Variants in TMEM117 observed in about 807,000 individuals in gnomAD.
TMEM117 encodes transmembrane protein 117.
In TMEM117, 27 loss-of-function variants were observed where a neutral mutation model predicts 52.4. The observed-to-expected ratio is 0.51, with a 90% confidence interval of 0.38 to 0.71. TMEM117 has a LOEUF of 0.71. Ranked by LOEUF, TMEM117 falls within the 30% of genes least tolerant of loss-of-function variation. The pLI is 0.00. For missense variants in TMEM117, 556 were observed against 630.5 expected (o/e 0.88, Z 1.26); for synonymous variants, 215 against 206.3 (o/e 1.04, Z -0.36).
chr12:43,830,285 A>T, the TMEM117 span, among the ~76,000 whole-genome samples: 2,789 of 151,520 alleles, frequency 0.018, 53 homozygotes, highest in South Asian at 0.069. Flanking sequence ...CTGCTAGCCC[A>T]CCCTCTGTTT....
chr12:44,239,023 T>A (rs61933046), intron 5 of TMEM117, among the ~76,000 whole-genome samples: 6,423 of 152,254 alleles, frequency 0.042, 187 homozygotes, highest in Admixed American at 0.061. Context: ...GTCAGAAATA[T>A]CTGCATTAAT....
At chr12:43,944,366 C>T (rs756490793) in intron 3 of TMEM117, 24 bp downstream of exon 3, 7 of 1,599,312 alleles carry the variant, frequency 4.4e-6, no homozygotes, top group Admixed American at 1.7e-5. Flanking sequence ...CCCCTTTCTA[C>T]TGTGGTGAGT....
chr12:43,932,415 A>G (rs939076550), intron 2 of TMEM117, among the ~76,000 whole-genome samples: 2 of 151,766 alleles, frequency 1.3e-5, no homozygotes, highest in African/African-American at 4.8e-5. Flanking sequence ...TGATCACCAA[A>G]GTGATTCCTG....
At chr12:44,101,247 A>C (rs1947856262) in intron 3 of TMEM117, among the ~76,000 whole-genome samples, 2 of 151,648 alleles carry the variant, frequency 1.3e-5, no homozygotes, top group South Asian at 4.2e-4. Context: ...TATGTTCAAC[A>C]TAATCCTATG....
intron 2 of TMEM117, among the ~76,000 whole-genome samples, chr12:43,879,438 C>A (rs56168228): frequency 0.062 from 9,396 of 152,252 alleles, 361 homozygotes; most frequent in Middle Eastern, 0.13. Context: ...CCATATCACT[C>A]TGAAGCAAAC....
intron 2 of TMEM117, among the ~76,000 whole-genome samples, chr12:43,886,765 G>A (rs1314624069): frequency 2.0e-5 from 3 of 151,988 alleles, no homozygotes; most frequent in Non-Finnish European, 2.9e-5. Flanking sequence ...ATTATTTTTC[G>A]TGATCCTTTC....
rs1555151236 is a variant in TMEM117, at chr12:44,317,300, G to GTAT, written c.768+17562_768+17563insATT. ...CTTTCCCTATTATATATATATATAT[G>GTAT]TTTTTTTTTTTAATTTTTCTTTGTT... On this transcript the variant is annotated intron_variant, in intron 6 of 7. Transcript: ENST00000266534. 3.2e-4 allele frequency among the ~76,000 whole-genome samples: 40 copies of GTAT among 125,556 alleles called. No homozygotes were observed. The South Asian group carries it at 6.1e-3, about 19-fold the overall frequency. The allele number at this position is 125,556 out of a possible 152,430, so 82.4% of individuals were successfully genotyped here.
chr12:43,805,811 C>T, the TMEM117 span: 3 of 1,368,718 alleles, frequency 2.2e-6, no homozygotes, highest in Admixed American at 1.9e-5. Flanking sequence ...CTCCTTTGGA[C>T]CATGAAAAAG....
intron 4 of TMEM117, among the ~76,000 whole-genome samples, chr12:44,144,097 T>TACTAAC (rs1948609074): frequency 1.3e-5 from 2 of 152,234 alleles, no homozygotes; most frequent in African/African-American, 4.8e-5. Context: ...TTTCTACATT[T>TACTAAC]ATTTTCCTCA....
At chr12:44,204,719 A>G (rs1949541856) in intron 4 of TMEM117, among the ~76,000 whole-genome samples, 1 of 152,156 alleles carries the variant, frequency 6.6e-6, no homozygotes, top group South Asian at 2.1e-4. Flanking sequence ...AGACCAGTGG[A>G]ACAGGTTAGA....
In TMEM117 at chr12:43,868,320, T is replaced by C. The variant is rs866008147; in HGVS notation, c.277+23392T>C. Among the ~76,000 whole-genome samples the C allele has an allele frequency of 1.8e-4, 28 of 152,066 alleles. No individual in the cohort carries two copies. In the South Asian group the frequency reaches 4.0e-3, roughly 21 times the overall value. Reference sequence around the variant, plus strand: ...CTTTGGGAGGCCAAGGCGGTTGGATTGCCTGAGCTCAGGAGTTTGAGACCA... The same window carrying C: ...CTTTGGGAGGCCAAGGCGGTTGGATCGCCTGAGCTCAGGAGTTTGAGACCA... On this transcript the variant is annotated intron_variant, in intron 2 of 7. Coordinates refer to ENST00000266534, the MANE Select transcript of TMEM117 (RefSeq NM_032256.3).
At chr12:44,182,139 G>T (rs376567971) in intron 4 of TMEM117, among the ~76,000 whole-genome samples, 3,267 of 152,260 alleles carry the variant, frequency 0.021, 52 homozygotes, top group South Asian at 0.06. Context: ...GTTCACTCAT[G>T]ATTTGGCTCT....
intron 3 of TMEM117, among the ~76,000 whole-genome samples, chr12:44,031,647 ACTTTT>A (rs1480109443): frequency 1.3e-5 from 2 of 152,270 alleles, no homozygotes; most frequent in East Asian, 1.9e-4. Flanking sequence ...AGTTGAGAAA[ACTTTT>A]CTTTTGAGCT....
At chr12:44,177,137 A>G (rs952919165) in intron 4 of TMEM117, among the ~76,000 whole-genome samples, 1 of 152,156 alleles carries the variant, frequency 6.6e-6, no homozygotes, top group African/African-American at 2.4e-5. Context: ...GGGGCATTCA[A>G]TTTACGGTGC....
intron 3 of TMEM117, among the ~76,000 whole-genome samples, chr12:44,106,907 A>G (rs1336681210): frequency 6.6e-6 from 1 of 152,024 alleles, no homozygotes; most frequent in Non-Finnish European, 1.5e-5. Context: ...CAGAGTTTAT[A>G]AAGTACTTTT....
intron 5 of TMEM117, among the ~76,000 whole-genome samples, chr12:44,230,194 C>T (rs564875685): frequency 6.6e-6 from 1 of 152,126 alleles, no homozygotes; most frequent in African/African-American, 2.4e-5. Context: ...TAGAGTGGTT[C>T]GTGACTTGCT....
chr12:44,134,484 G>T (rs181339646), intron 3 of TMEM117, among the ~76,000 whole-genome samples: 1 of 152,162 alleles, frequency 6.6e-6, no homozygotes, highest in East Asian at 1.9e-4. Flanking sequence ...AGAGAGAGGG[G>T]AGTGCTATTC....
chr12:43,998,214 C>A (rs1946062703), intron 3 of TMEM117, among the ~76,000 whole-genome samples: 1 of 152,164 alleles, frequency 6.6e-6, no homozygotes, highest in African/African-American at 2.4e-5. Context: ...TAAATTACTG[C>A]TTGGGAATTC....
At chr12:44,049,374 A>G (rs1239067178) in intron 3 of TMEM117, among the ~76,000 whole-genome samples, 2 of 152,062 alleles carry the variant, frequency 1.3e-5, no homozygotes, top group African/African-American at 2.4e-5. Flanking sequence ...ATGAGAACAC[A>G]TGGACACAGG....
Sources: gnomAD v4.1 joint callset for allele counts (sites outside exome capture counted in the v4.1 genomes callset) on GRCh38, gnomAD v4.1.1 for gene constraint, MANE v1.5 for transcripts, NCBI Gene and HGNC (gene_info 2026-07-23, HGNC 2026-07-21) for gene names.